Variants in CACNB1 observed in about 807,000 individuals in gnomAD.
The protein encoded by CACNB1 is voltage-dependent L-type calcium channel subunit beta-1.
A neutral mutation model predicts 71.6 loss-of-function variants in CACNB1; 29 were observed. The ratio of observed to expected loss-of-function variants is 0.40; its 90% CI spans 0.30 to 0.55. The LOEUF (loss-of-function observed/expected upper bound fraction) is 0.55, where lower values mean the gene tolerates loss of function less well. CACNB1 is among the 20% of genes least tolerant of loss of function. The pLI is 0.38. For missense variants in CACNB1, 623 were observed against 801.8 expected (o/e 0.78, Z 2.69); for synonymous variants, 300 against 319.6 (o/e 0.94, Z 0.65).
rs1395291711 is a variant in CACNB1 at position 39,194,389 on chromosome 17, C to T, written c.171+495G>A. ...CCACCCCCACCCCCGTCACCATCAC[C>T]CTTTCTCTGTGCTTCTTAGACAGTC... On this transcript the variant is annotated intron_variant, in intron 2 of 13. Coordinates refer to ENST00000394303, the MANE Select transcript of CACNB1 (RefSeq NM_000723.5). This position sits in a 1 kb window ranked among gnomAD's most constrained non-coding sequence, Gnocchi z 4.6. 1.3e-5 allele frequency among the ~76,000 whole-genome samples: 2 copies of T among 152,264 alleles called. No individual in the cohort carries two copies. The highest frequency in any genetic ancestry group is 4.8e-5 in the African/African-American group (2 of 41,540).
chr17:39,193,731 C>T (rs1001678190), intron 2 of CACNB1: 12 of 222,560 alleles, frequency 5.4e-5, no homozygotes, highest in Non-Finnish European at 1.0e-4. Flanking sequence ...CTGAAGGAGC[C>T]AAGGTCCTTT....
intron 11 of CACNB1, among the ~76,000 whole-genome samples, chr17:39,180,516 G>A (rs1389214277): frequency 6.6e-6 from 1 of 151,692 alleles, no homozygotes; most frequent in Non-Finnish European, 1.5e-5. Context: ...TTAGCCAGGT[G>A]TGGTGGTGGG....
In CACNB1 at chr17:39,177,433, T is replaced by C. The variant is rs1176592032; in HGVS notation, c.1249A>G (p.Ser417Gly). 1 of 1,613,734 alleles carries C rather than the reference T, an allele frequency of 6.2e-7. No individual in the cohort carries two copies. Among genetic ancestry groups the C allele is most frequent in the Non-Finnish European group, 8.5e-7 (1 of 1,179,898 alleles). ...AYWKATHPPS[S>G]TPPNPLLNRT... ...TTCAGCAGCGGATTGGGTGGCGTGC[T>C]GCTGGGCGGGTGTGTGGCCTTCCAA... The change falls in exon 13 of 14, where the codon AGC (serine) becomes GGC (glycine). Residue 417 changes from serine (S) to glycine (G), a missense_variant. Transcript: ENST00000394303.
intron 6 of CACNB1, chr17:39,185,955 TAAA>T: frequency 1.9e-6 from 3 of 1,612,032 alleles, no homozygotes; most frequent in Non-Finnish European, 2.5e-6. Context: ...ATTACCTTCT[TAAA>T]GAAGGGGATG....
chr17:39,175,484 G>A lies in CACNB1; in HGVS notation c.1506C>T (p.Ala502=), dbSNP rs1314130304. ...CAGAGTTTCGGCTGCCGGGGGTGTC[G>A]GCATCAAAAGTGTCTTGGCGGGACA... ...RALSRQDTFD[A]DTPGSRNSAY... is the part of the protein sequence containing the mutation. The change falls in exon 14 of 14, where the codon GCC becomes GCT. Residue 502 remains alanine (A), a synonymous_variant. Coordinates refer to ENST00000394303, the MANE Select transcript of CACNB1 (RefSeq NM_000723.5). This position sits in a 1 kb window ranked among gnomAD's most constrained non-coding sequence, Gnocchi z 4.7. 3.7e-6 allele frequency: 6 copies of A among 1,614,058 alleles called. No homozygotes were observed. The highest frequency in any genetic ancestry group is 4.2e-6 in the Non-Finnish European group (5 of 1,180,024).
intron 7 of CACNB1, 103 bp downstream of exon 7, chr17:39,185,028 A>G: frequency 8.9e-7 from 1 of 1,129,502 alleles, no homozygotes; most frequent in East Asian, 2.3e-5. Context: ...AGAACCAGGA[A>G]GGGTGGGGGA....
At chr17:39,190,026 G>C (rs1024501607) in intron 3 of CACNB1, among the ~76,000 whole-genome samples, 6 of 152,078 alleles carry the variant, frequency 3.9e-5, no homozygotes, top group African/African-American at 1.4e-4. Flanking sequence ...GAGGCAAGGA[G>C]AATCGCTTGA....
At position 39,194,261 on chromosome 17, in the gene CACNB1, G is replaced by C. The variant is rs975055081; in HGVS notation, c.171+623C>G. ...AGATGAGAGCAGCCGCTTACTGACT[G>C]AGCACAGAAGACCCCAGAAAGCTAT... On this transcript the variant is annotated intron_variant, in intron 2 of 13. Coordinates refer to ENST00000394303, the MANE Select transcript of CACNB1 (RefSeq NM_000723.5). This position sits in a 1 kb window ranked among gnomAD's most constrained non-coding sequence, Gnocchi z 4.6. Among the ~76,000 whole-genome samples the C allele has an allele frequency of 2.0e-5, 3 of 152,162 alleles. No individual in the cohort carries two copies. Among genetic ancestry groups the C allele is most frequent in the African/African-American group, 7.2e-5 (3 of 41,416 alleles).
chr17:39,197,326 C>A (rs181756736), intron 1 of CACNB1, 86 bp downstream of exon 1: 3 of 853,080 alleles, frequency 3.5e-6, no homozygotes, highest in Non-Finnish European at 5.1e-6. Context: ...GCATATAACC[C>A]CTTCCTCTCC....
rs1323681734 is a variant in CACNB1, at chr17:39,187,600, G to T, written c.293C>A (p.Thr98Asn). The T allele has an allele frequency of 6.2e-7, 1 of 1,614,184 alleles. No individual in the cohort carries two copies. The highest frequency in any genetic ancestry group is 1.7e-5 in the Admixed American group (1 of 60,022). Residue 98 changes from threonine (T) to asparagine (N), a missense_variant and splice_region_variant, in exon 4 of 14, where the codon ACC (threonine) becomes AAC (asparagine). Thr to Asn is a moderately conservative substitution (Grantham distance 65). Transcript: ENST00000394303. ...CCGCACAGCAAATGCCACTGGCTTG[G>T]TCTAGAGGAGGCACACAGGGGAGGA... Reference protein sequence around the residue: ...QALAQLEKAKTKPVAFAVRTN... With the variant: ...QALAQLEKAKNKPVAFAVRTN...
intron 4 of CACNB1, 74 bp from the exon 5 acceptor site, chr17:39,187,003 G>C: frequency 8.4e-6 from 13 of 1,538,714 alleles, no homozygotes; most frequent in Non-Finnish European, 1.2e-5. Flanking sequence ...TCACTCTCTA[G>C]GGGAAACGCC....
rs73304972 is a variant in CACNB1, at chr17:39,184,717, G to T, written c.729+67C>A. On this transcript the variant is annotated intron_variant, in intron 8 of 13. Transcript: ENST00000394303. ...GCCTTGGGATCGGGCCCTTCTAGGG[G>T]ATCTCTCTGGGGTCTGAAGATCTTT... The T allele has an allele frequency of 4.6e-3, 5,183 of 1,131,816 alleles. 171 individuals are homozygous for T. In the African/African-American group the frequency reaches 0.07, roughly 15 times the overall value. 70.1% of individuals were successfully genotyped at this position (1,131,816 alleles called of 1,614,324 possible). A position where few individuals can be genotyped will look rare whatever the true frequency, so the allele number is the denominator to read the frequency against.
At chr17:39,190,739 T>TA (rs902509793) in intron 3 of CACNB1, among the ~76,000 whole-genome samples, 5 of 151,610 alleles carry the variant, frequency 3.3e-5, no homozygotes, top group Non-Finnish European at 7.4e-5. Flanking sequence ...AAAATTAAAT[T>TA]AAAAAAAACA....
Position 39,186,610 on chromosome 17 carries a change from A to G in CACNB1, c.552-38T>C, listed in dbSNP as rs1567804495. ...AGGCAAACCGAGCTTGTGAGCAAAG[A>G]GGTGGGCGTGGGGGGCTCTCATCCT... On this transcript the variant is annotated intron_variant, in intron 5 of 13. Coordinates refer to ENST00000394303, the MANE Select transcript of CACNB1 (RefSeq NM_000723.5). This position sits in a 1 kb window ranked among gnomAD's most constrained non-coding sequence, Gnocchi z 4.1. 2 of 1,585,106 alleles carry G rather than the reference A, an allele frequency of 1.3e-6. No individual in the cohort carries two copies. The highest frequency in any genetic ancestry group is 2.2e-5 in the South Asian group (2 of 89,582).
At position 39,194,701 on chromosome 17, in the gene CACNB1, C is replaced by G. The variant is rs7221310; in HGVS notation, c.171+183G>C. Among the ~76,000 whole-genome samples, 2 of 152,058 alleles carry G rather than the reference C, an allele frequency of 1.3e-5. No individual in the cohort carries two copies. The highest frequency in any genetic ancestry group is 3.9e-4 in the East Asian group (2 of 5,146). On this transcript the variant is annotated intron_variant, in intron 2 of 13. Transcript: ENST00000394303. This position sits in a 1 kb window ranked among gnomAD's most constrained non-coding sequence, Gnocchi z 4.6. Reference sequence around the variant, plus strand: ...GGGCCGGGCAGGGGCGGGGGCTGAGCGAGTGGGTGCCGCTGACAGCACATC... The same window carrying G: ...GGGCCGGGCAGGGGCGGGGGCTGAGGGAGTGGGTGCCGCTGACAGCACATC...
In CACNB1 at chr17:39,185,131, C is replaced by T. The variant is rs777039909; in HGVS notation, c.648G>A (p.Ser216=). 3.3e-5 allele frequency: 53 copies of T among 1,613,642 alleles called. No homozygotes were observed. The highest frequency in any genetic ancestry group is 1.6e-4 in the Middle Eastern group (1 of 6,082). The change falls in exon 7 of 14, where the codon TCG becomes TCA. Residue 216 remains serine, a splice_region_variant and synonymous_variant. Transcript: ENST00000394303. ...PPASAKQKQK[S]TEHVPPYDVV... is the part of the protein sequence containing the mutation. ...GGACACAGAAAGCTGTGATACTCAC[C>T]GACTTCTGCTTCTGTTTGGCTGGGT...
At chr17:39,195,039 C>G (rs2046174311) in intron 1 of CACNB1, 69 bp from the exon 2 acceptor site, 1 of 1,067,774 alleles carries the variant, frequency 9.4e-7, no homozygotes, top group Middle Eastern at 2.1e-4. Flanking sequence ...TCTTGCCAGC[C>G]CCAGAGCTAC....
chr17:39,178,304 A>C (rs1188237638), intron 11 of CACNB1: 3 of 420,766 alleles, frequency 7.1e-6, no homozygotes, highest in Non-Finnish European at 1.3e-5. Context: ...AGCCTTCCTT[A>C]GGGGCTATAT....
intron 13 of CACNB1, among the ~76,000 whole-genome samples, chr17:39,176,309 C>T (rs978846245): frequency 6.6e-6 from 1 of 152,146 alleles, no homozygotes; most frequent in Admixed American, 6.6e-5. Context: ...TCAAATGTCA[C>T]GTGGAGGTGG....
Sources: allele counts gnomAD v4.1 joint callset (sites outside exome capture counted in the v4.1 genomes callset), GRCh38; gene constraint gnomAD v4.1.1; non-coding constraint Gnocchi (gnomAD v3.1); transcripts MANE v1.5; gene names NCBI Gene and HGNC (gene_info 2026-07-23, HGNC 2026-07-21).